The following LRRC3B variants were observed in gnomAD, a reference collection of about 807,000 sequenced individuals.
The protein encoded by LRRC3B is leucine rich repeat containing 3B.
LRRC3B carries 2 observed loss-of-function variants against 12.8 expected under a neutral mutation model. The observed-to-expected ratio is 0.16, with a 90% CI of 0.06 to 0.49. LRRC3B has a LOEUF of 0.49. LRRC3B is among the 20% of genes least tolerant of loss of function. The pLI is 0.96. For synonymous variants in LRRC3B, 132 were observed against 122.0 expected (o/e 1.08, Z -0.54); for missense variants, 189 against 319.4 (o/e 0.59, Z 3.11).
intron 1 of LRRC3B, among the ~76,000 whole-genome samples, chr3:26,664,134 A>G (rs181559323): frequency 7.2e-5 from 11 of 152,170 alleles, no homozygotes; most frequent in African/African-American, 2.4e-4. Context: ...TAGACACCAC[A>G]TGAACACCAA....
At chr3:26,687,431 G>A (rs948538781) in intron 1 of LRRC3B, among the ~76,000 whole-genome samples, 3 of 152,058 alleles carry the variant, frequency 2.0e-5, no homozygotes, top group African/African-American at 7.2e-5. Flanking sequence ...TAGTTCTGAG[G>A]GGATAATATG....
At chr3:26,689,693 C>A (rs1700151678) in intron 1 of LRRC3B, among the ~76,000 whole-genome samples, 1 of 152,178 alleles carries the variant, frequency 6.6e-6, no homozygotes, top group Non-Finnish European at 1.5e-5. Context: ...GAGTGGCCCA[C>A]CCCCAGGACT....
chr3:26,695,171 T>C (rs1396963748), intron 1 of LRRC3B, among the ~76,000 whole-genome samples: 1 of 152,226 alleles, frequency 6.6e-6, no homozygotes, highest in African/African-American at 2.4e-5. Flanking sequence ...TTCATTTTGA[T>C]GTACCATATT....
chr3:26,646,598 TAAAAAAAAAAAAAAAAAAAAAA>T (rs529066996), intron 1 of LRRC3B, among the ~76,000 whole-genome samples: 85 of 99,666 alleles, frequency 8.5e-4, no homozygotes, highest in African/African-American at 2.7e-3. Flanking sequence ...GGATAGGAGG[TAAAAAAAAAAAAAAAAAAAAAA>T]AAAAAAAAAA....
intron 1 of LRRC3B, among the ~76,000 whole-genome samples, chr3:26,682,324 G>C (rs565617152): frequency 2.6e-5 from 4 of 152,110 alleles, no homozygotes; most frequent in African/African-American, 9.6e-5. Context: ...TACACACATA[G>C]CTTGCCTCTC....
intron 1 of LRRC3B, among the ~76,000 whole-genome samples, chr3:26,627,614 C>G (rs1164541032): frequency 1.3e-5 from 2 of 152,088 alleles, no homozygotes; most frequent in Non-Finnish European, 1.5e-5. Flanking sequence ...GCACTAAGAG[C>G]TGCTCCTCCT....
chr3:26,709,675 G>T, exon 2 of LRRC3B: 1 of 1,612,688 alleles, frequency 6.2e-7, no homozygotes, highest in Non-Finnish European at 8.5e-7. Context: ...ATTCCAGCAT[G>T]AATCTGGTAG....
chr3:26,644,810 A>C (rs951647819), intron 1 of LRRC3B, among the ~76,000 whole-genome samples: 1 of 152,188 alleles, frequency 6.6e-6, no homozygotes, highest in African/African-American at 2.4e-5. Flanking sequence ...ATTCATATTG[A>C]ACTATTTGAG....
chr3:26,666,704 TATCA>T (rs1257204167), intron 1 of LRRC3B, among the ~76,000 whole-genome samples: 1 of 152,172 alleles, frequency 6.6e-6, no homozygotes, highest in African/African-American at 2.4e-5. Context: ...GTTACATCAC[TATCA>T]ATCAAACTCC....
At chr3:26,655,085 G>T (rs1011901957) in intron 1 of LRRC3B, among the ~76,000 whole-genome samples, 3 of 152,030 alleles carry the variant, frequency 2.0e-5, no homozygotes, top group African/African-American at 7.2e-5. Context: ...GTCTGTCCAT[G>T]AACATTTATA....
chr3:26,666,900 T>G (rs1453563203), intron 1 of LRRC3B, among the ~76,000 whole-genome samples: 1 of 152,140 alleles, frequency 6.6e-6, no homozygotes, highest in Non-Finnish European at 1.5e-5. Context: ...ATAGAAATTG[T>G]TGGTTCTAAT....
intron 1 of LRRC3B, among the ~76,000 whole-genome samples, chr3:26,671,708 T>C (rs528810114): frequency 2.0e-4 from 31 of 152,164 alleles, no homozygotes; most frequent in Non-Finnish European, 3.5e-4. Flanking sequence ...AATAATTTTA[T>C]ACATGGAGTG....
intron 1 of LRRC3B, among the ~76,000 whole-genome samples, chr3:26,646,486 C>T (rs1699146401): frequency 6.6e-6 from 1 of 151,864 alleles, no homozygotes; most frequent in Non-Finnish European, 1.5e-5. Context: ...TTTGCAGTCA[C>T]CTTTTCAGTT....
chr3:26,639,897 C>A lies in LRRC3B; in HGVS notation c.-161+16660C>A, dbSNP rs114566707. On this transcript the variant is annotated intron_variant, in intron 1 of 1. Transcript: ENST00000396641. ...CCTTATGAGTATTTATTATTTATAT[C>A]CAGAGACACCACATGGTCTCTGCTT... is the stretch of plus-strand genomic sequence containing the variant. Among the ~76,000 whole-genome samples the A allele has an allele frequency of 3.9e-3, 593 of 152,210 alleles. 4 individuals carry two copies. The highest frequency in any genetic ancestry group is 0.014 in the Middle Eastern group (4 of 294).
At chr3:26,627,283 GT>G (rs113742051) in intron 1 of LRRC3B, among the ~76,000 whole-genome samples, 2 of 152,264 alleles carry the variant, frequency 1.3e-5, no homozygotes, top group African/African-American at 4.8e-5. Flanking sequence ...CCAACAAAAA[GT>G]CAGCCAGGGT....
chr3:26,678,693 A>T (rs575779821), intron 1 of LRRC3B, among the ~76,000 whole-genome samples: 146 of 152,322 alleles, frequency 9.6e-4, no homozygotes, highest in Middle Eastern at 3.4e-3. Flanking sequence ...CAATAGGAGG[A>T]TATTAAATCA....
chr3:26,682,595 G>A (rs577032527), intron 1 of LRRC3B, among the ~76,000 whole-genome samples: 10 of 152,296 alleles, frequency 6.6e-5, no homozygotes, highest in Admixed American at 2.6e-4. Flanking sequence ...AGATGGGAAA[G>A]TATGTTTCCT....
chr3:26,636,968 T>TTCTTTCTTTCTC (rs1698911596), intron 1 of LRRC3B, among the ~76,000 whole-genome samples: 1 of 66,214 alleles, frequency 1.5e-5, no homozygotes, highest in African/African-American at 5.1e-5. Context: ...CTTTCTTTCT[T>TTCTTTCTTTCTC]TCTTTCTCTC....
At chr3:26,685,029 C>T (rs930257204) in intron 1 of LRRC3B, among the ~76,000 whole-genome samples, 4 of 152,134 alleles carry the variant, frequency 2.6e-5, no homozygotes, top group African/African-American at 9.7e-5. Context: ...TCTCAGCTCA[C>T]TGCAATCTCC....
Sources: allele counts gnomAD v4.1 joint callset (sites outside exome capture counted in the v4.1 genomes callset), GRCh38; gene constraint gnomAD v4.1.1; transcripts MANE v1.5; gene names NCBI Gene and HGNC (gene_info 2026-07-23, HGNC 2026-07-21).